Variants in VWA8 observed in about 807,000 individuals in gnomAD.
The protein encoded by VWA8 is von Willebrand factor A domain containing 8.
Under a neutral mutation model 241.5 loss-of-function variants are expected in VWA8, and 221 were observed. The ratio of observed to expected loss-of-function variants is 0.91; its 90% CI spans 0.82 to 1.02. VWA8 has a LOEUF of 1.02. VWA8 is among the 50% of genes least tolerant of loss of function. The pLI is 0.00. For missense variants in VWA8, 2,322 were observed against 2,328.7 expected, an observed-to-expected ratio of 1.00 and a Z score of 0.06; for synonymous variants, 852 against 827.1, an observed-to-expected ratio of 1.03 and a Z score of -0.52.
intron 9 of VWA8, among the ~76,000 whole-genome samples, chr13:41,871,236 C>T (rs4497570): frequency 0.029 from 4,408 of 152,220 alleles, 71 homozygotes; most frequent in Middle Eastern, 0.058. Context: ...GTTAACTTAC[C>T]ACTTTCTGAG....
At chr13:41,711,668 A>C (rs1327872785) in intron 26 of VWA8, among the ~76,000 whole-genome samples, 2 of 152,106 alleles carry the variant, frequency 1.3e-5, no homozygotes, top group African/African-American at 4.8e-5. Flanking sequence ...AGGTCAGGAG[A>C]TCGAGACCAT....
intron 2 of VWA8, among the ~76,000 whole-genome samples, chr13:41,935,802 T>C (rs1428352849): frequency 1.3e-5 from 2 of 151,866 alleles, no homozygotes; most frequent in Admixed American, 6.6e-5. Flanking sequence ...ATATCTTATA[T>C]GACACTCTGA....
chr13:41,726,424 T>C (rs61964892), intron 24 of VWA8, among the ~76,000 whole-genome samples: 28,667 of 152,084 alleles, frequency 0.19, 3,462 homozygotes, highest in East Asian at 0.36. Context: ...ATACTTGCTA[T>C]AGAGAAGAGA....
chr13:41,799,738 T>C (rs1869863343), intron 17 of VWA8, among the ~76,000 whole-genome samples: 1 of 152,194 alleles, frequency 6.6e-6, no homozygotes, highest in Non-Finnish European at 1.5e-5. Context: ...GTATTGCTTT[T>C]TACTTCATTT....
chr13:41,813,605 G>C (rs1436096623), intron 16 of VWA8, among the ~76,000 whole-genome samples: 1 of 152,034 alleles, frequency 6.6e-6, no homozygotes, highest in Non-Finnish European at 1.5e-5. Context: ...ACTGAATTCA[G>C]GCTTCACATT....
intron 20 of VWA8, among the ~76,000 whole-genome samples, chr13:41,761,924 T>A (rs2045743529): frequency 6.6e-6 from 1 of 152,016 alleles, no homozygotes; most frequent in South Asian, 2.1e-4. Flanking sequence ...GGGGTGTAAA[T>A]CTTTTAACAA....
Position 41,719,679 on chromosome 13 carries a change from T to C in VWA8, c.3028A>G (p.Asn1010Asp), listed in dbSNP as rs2137846569. Reference sequence around the variant, plus strand: ...TTAATCAATATCTCCCTCATGTCATTGTTGTAGGAATCAAAGTCAAACACA... The same window carrying C: ...TTAATCAATATCTCCCTCATGTCATCGTTGTAGGAATCAAAGTCAAACACA... ...RNVFDFDSYN[N>D]DMREILINTL... is the part of the protein sequence containing the mutation. The change falls in exon 26 of 45, where the codon AAT becomes GAT. Residue 1010 changes from asparagine (N) to aspartate (D), a missense_variant. Coordinates refer to ENST00000379310, the MANE Select transcript of VWA8 (RefSeq NM_015058.2). The C allele has an allele frequency of 6.2e-7, 1 of 1,613,172 alleles. No individual in the cohort carries two copies. The highest frequency in any genetic ancestry group is 1.1e-5 in the South Asian group (1 of 91,056).
intron 2 of VWA8, among the ~76,000 whole-genome samples, chr13:41,936,951 T>C (rs1877379272): frequency 6.6e-6 from 1 of 152,188 alleles, no homozygotes; most frequent in Non-Finnish European, 1.5e-5. Context: ...AATTGAAGCA[T>C]TCCTATCACC....
Position 41,649,663 on chromosome 13 carries a change from G to A in VWA8, c.4611+21283C>T, listed in dbSNP as rs1055341821. On this transcript the variant is annotated intron_variant, in intron 37 of 44. Coordinates refer to ENST00000379310, the MANE Select transcript of VWA8 (RefSeq NM_015058.2). ...TTTCATTTCCAAAGGTTTATTGCTGGGGGGTGAGGGGAGAATGTTATTTTT... is the reference window on the plus strand; with the variant it reads ...TTTCATTTCCAAAGGTTTATTGCTGAGGGGTGAGGGGAGAATGTTATTTTT... 1.3e-4 allele frequency among the ~76,000 whole-genome samples: 19 copies of A among 150,562 alleles called. No individual in the cohort carries two copies. The South Asian group carries it at 2.1e-3, about 17-fold the overall frequency.
At position 41,932,708 on chromosome 13, in the gene VWA8, G is replaced by GA. The variant is rs201581721; in HGVS notation, c.241+17227dup. 1.7e-3 allele frequency among the ~76,000 whole-genome samples: 248 copies of GA among 148,138 alleles called. 2 individuals are homozygous for GA. Among genetic ancestry groups the GA allele is most frequent in the Middle Eastern group, 6.8e-3 (2 of 292 alleles). On this transcript the variant is annotated intron_variant, in intron 2 of 44. Transcript: ENST00000379310. Reference sequence around the variant, plus strand: ...CACATTAATAAACAAAAAAGAAAAAGAAAAAAAAACACAAGATCATATCAA... The same window carrying GA: ...CACATTAATAAACAAAAAAGAAAAAGAAAAAAAAAACACAAGATCATATCAA...
intron 37 of VWA8, among the ~76,000 whole-genome samples, chr13:41,639,647 C>T (rs2139680406): frequency 6.6e-6 from 1 of 152,280 alleles, no homozygotes; most frequent in South Asian, 2.1e-4. Flanking sequence ...TACAAATTGG[C>T]TTTATACACA....
chr13:41,690,562 T>C (rs1316818102), intron 32 of VWA8, among the ~76,000 whole-genome samples: 2 of 152,056 alleles, frequency 1.3e-5, no homozygotes, highest in African/African-American at 4.8e-5. Context: ...ACTCTTATTA[T>C]CATGTAACCC....
intron 37 of VWA8, among the ~76,000 whole-genome samples, chr13:41,666,978 C>T (rs2044990813): frequency 6.6e-6 from 1 of 152,066 alleles, no homozygotes; most frequent in Non-Finnish European, 1.5e-5. Context: ...TGTTCTGTAA[C>T]AATGATCCAC....
At chr13:41,677,559 A>G (rs1197960392) in intron 35 of VWA8, among the ~76,000 whole-genome samples, 2 of 152,166 alleles carry the variant, frequency 1.3e-5, no homozygotes, top group Admixed American at 1.3e-4. Context: ...CCTCTTTAGC[A>G]CTAAAATCTA....
chr13:41,821,890 G>C lies in VWA8; in HGVS notation c.1701-2504C>G, dbSNP rs1870974533. ...TGATCTCAAAACACTTAAGCTATGTGAAAGAAGCCAGACAAAAAAGAGCAC... is the reference window on the plus strand; with the variant it reads ...TGATCTCAAAACACTTAAGCTATGTCAAAGAAGCCAGACAAAAAAGAGCAC... On this transcript the variant is annotated intron_variant, in intron 14 of 44. Transcript: ENST00000379310. Among the ~76,000 whole-genome samples, 3 of 152,204 alleles carry C rather than the reference G, an allele frequency of 2.0e-5. No individual in the cohort carries two copies. The South Asian group carries it at 6.2e-4, about 32-fold the overall frequency.
At chr13:41,579,513 GTTTC>G (rs1212836717) in intron 42 of VWA8, among the ~76,000 whole-genome samples, 6 of 152,132 alleles carry the variant, frequency 3.9e-5, no homozygotes, top group Non-Finnish European at 1.5e-5. Context: ...TCTAAACCTT[GTTTC>G]TACCTTGTAA....
At chr13:41,744,414 A>C (rs2045588959) in intron 21 of VWA8, among the ~76,000 whole-genome samples, 1 of 152,212 alleles carries the variant, frequency 6.6e-6, no homozygotes, top group Non-Finnish European at 1.5e-5. Context: ...TTATAGATAC[A>C]CCTCAGTTAA....
chr13:41,748,138 T>A (rs578042414), intron 21 of VWA8, among the ~76,000 whole-genome samples: 243 of 152,306 alleles, frequency 1.6e-3, no homozygotes, highest in Middle Eastern at 3.4e-3. Flanking sequence ...GGATTCCCTC[T>A]TTTTCTATTG....
intron 12 of VWA8, among the ~76,000 whole-genome samples, chr13:41,841,858 T>TATATAA (rs1566478201): frequency 3.0e-5 from 2 of 65,608 alleles, no homozygotes; most frequent in Admixed American, 1.6e-4. Context: ...TATATATATA[T>TATATAA]AAAAACAGTA....
Sources: allele counts gnomAD v4.1 joint callset (sites outside exome capture counted in the v4.1 genomes callset), GRCh38; gene constraint gnomAD v4.1.1; transcripts MANE v1.5; gene names NCBI Gene and HGNC (gene_info 2026-07-23, HGNC 2026-07-21).